The following WWOX variants were observed in gnomAD, a reference collection of about 807,000 sequenced individuals.
WWOX encodes WW domain containing oxidoreductase.
WWOX carries 69 observed loss-of-function variants against 46.2 expected under a neutral mutation model. The ratio of observed to expected loss-of-function variants is 1.49; its 90% CI spans 1.23 to 1.82. WWOX has a LOEUF of 1.82. Among genes scored for constraint, WWOX ranks in the 40% most tolerant of loss-of-function variants. The pLI is 0.00. For missense variants in WWOX, 919 were observed against 542.6 expected, an observed-to-expected ratio of 1.69 and a Z score of -6.89; for synonymous variants, 359 against 202.6, an observed-to-expected ratio of 1.77 and a Z score of -6.56.
At chr16:78,826,766 A>T (rs142666604) in intron 8 of WWOX, among the ~76,000 whole-genome samples, 6 of 152,274 alleles carry the variant, frequency 3.9e-5, no homozygotes, top group Non-Finnish European at 7.4e-5. Flanking sequence ...ACCCACAATA[A>T]GAGCACAGTG....
intron 8 of WWOX, chr16:78,551,644 G>T (rs1340920625): frequency 1.3e-5 from 2 of 151,676 alleles, no homozygotes; most frequent in African/African-American, 4.8e-5. Flanking sequence ...TGATGCCACT[G>T]CCCCCGCCCC....
At chr16:79,155,140 G>A (rs12932416) in intron 8 of WWOX, among the ~76,000 whole-genome samples, 1 of 152,236 alleles carries the variant, frequency 6.6e-6, no homozygotes, top group African/African-American at 2.4e-5. Context: ...CACTTTGGGA[G>A]GCCGAGGCAG....
chr16:78,459,642 A>G (rs1460266877), intron 8 of WWOX, among the ~76,000 whole-genome samples: 1 of 152,226 alleles, frequency 6.6e-6, no homozygotes, highest in East Asian at 1.9e-4. Context: ...TGCCATTATT[A>G]TAGATTGCTG....
chr16:78,970,000 A>G (rs1388709350), intron 8 of WWOX, among the ~76,000 whole-genome samples: 1 of 152,176 alleles, frequency 6.6e-6, no homozygotes, highest in African/African-American at 2.4e-5. Flanking sequence ...TGTATGGTAT[A>G]TGAATCATAT....
At chr16:79,196,933 T>A (rs928221405) in intron 8 of WWOX, among the ~76,000 whole-genome samples, 3 of 152,182 alleles carry the variant, frequency 2.0e-5, no homozygotes, top group Non-Finnish European at 4.4e-5. Context: ...TTCAATTCCT[T>A]GAACTTCAGT....
At chr16:79,189,738 T>C (rs1042411167) in intron 8 of WWOX, among the ~76,000 whole-genome samples, 8 of 151,820 alleles carry the variant, frequency 5.3e-5, no homozygotes, top group Admixed American at 1.3e-4. Flanking sequence ...CATCCCGCCG[T>C]GTTCATTTGC....
chr16:78,489,691 G>A lies in WWOX; in HGVS notation c.1056+56939G>A, dbSNP rs112893704. Among the ~76,000 whole-genome samples, 180 of 152,288 alleles carry A rather than the reference G, an allele frequency of 1.2e-3. 3 individuals are homozygous for A. Among genetic ancestry groups the A allele is most frequent in the African/African-American group, 2.5e-3 (105 of 41,562 alleles). On this transcript the variant is annotated intron_variant, in intron 8 of 8. Transcript: ENST00000566780. ...AAGAGGATGGAAATGGCTGTGGGGC[G>A]CCTGAGCTGGGCCCTGGCATGATGG...
chr16:78,429,843 A>G (rs559409538), intron 7 of WWOX, among the ~76,000 whole-genome samples: 2 of 152,240 alleles, frequency 1.3e-5, no homozygotes, highest in African/African-American at 2.4e-5. Context: ...GTGTTTCAAC[A>G]TGTAAATGCT....
At chr16:78,608,465 T>G (rs538504260) in intron 8 of WWOX, among the ~76,000 whole-genome samples, 65 of 152,344 alleles carry the variant, frequency 4.3e-4, no homozygotes, top group African/African-American at 1.4e-3. Flanking sequence ...CTTATAAAGC[T>G]GCGACTTGGC....
chr16:78,720,697 T>A (rs544593504), intron 8 of WWOX, among the ~76,000 whole-genome samples: 30 of 152,194 alleles, frequency 2.0e-4, no homozygotes, highest in African/African-American at 6.3e-4. Context: ...GTTTTATGAT[T>A]CTGCAAGCGT....
At chr16:79,062,371 G>A (rs1057306143) in intron 8 of WWOX, among the ~76,000 whole-genome samples, 21 of 152,234 alleles carry the variant, frequency 1.4e-4, no homozygotes, top group Middle Eastern at 3.4e-3. Context: ...CATAATAGTC[G>A]TGGAGGGACA....
intron 8 of WWOX, among the ~76,000 whole-genome samples, chr16:79,081,878 T>C (rs932775462): frequency 1.3e-5 from 2 of 152,114 alleles, no homozygotes; most frequent in African/African-American, 4.8e-5. Flanking sequence ...CCTTTTTCTA[T>C]CCTAGTTTCA....
At chr16:78,239,389 C>G (rs745481839) in intron 5 of WWOX, among the ~76,000 whole-genome samples, 58 of 152,260 alleles carry the variant, frequency 3.8e-4, no homozygotes, top group Middle Eastern at 3.4e-3. Context: ...TGCTGAGACC[C>G]TGATGGAGAA....
intron 4 of WWOX, among the ~76,000 whole-genome samples, chr16:78,115,642 T>C (rs2151675642): frequency 6.6e-6 from 1 of 152,328 alleles, no homozygotes; most frequent in African/African-American, 2.4e-5. Context: ...AATGAGTTCC[T>C]GTCTTCACCT....
At chr16:78,973,422 C>T (rs2046510826) in intron 8 of WWOX, among the ~76,000 whole-genome samples, 1 of 152,204 alleles carries the variant, frequency 6.6e-6, no homozygotes, top group Non-Finnish European at 1.5e-5. Flanking sequence ...AACAGAGCTA[C>T]TCAATAATTA....
In WWOX at chr16:79,086,485, G is replaced by C. The variant is rs547706854; in HGVS notation, c.1057-125123G>C. 2.6e-5 allele frequency among the ~76,000 whole-genome samples: 4 copies of C among 152,280 alleles called. No individual in the cohort carries two copies. In the South Asian group the frequency reaches 8.3e-4, roughly 32 times the overall value. ...ATAGATTAACTTATCAAAACTTGTG[G>C]TGGAAGCAAGACTTTGTCAGTACAG... On this transcript the variant is annotated intron_variant, in intron 8 of 8. Transcript: ENST00000566780.
chr16:78,173,327 C>T lies in WWOX; in HGVS notation c.516+9038C>T, dbSNP rs118033908. 2.2e-3 allele frequency among the ~76,000 whole-genome samples: 333 copies of T among 152,204 alleles called. 16 individuals carry two copies. The East Asian group carries it at 0.06, about 27-fold the overall frequency. ...TTTTTGAGATAGGGTATTGCTCTGTCACCCAGGCTGGTGTTCAGTGGCACA... is the reference window on the plus strand; with the variant it reads ...TTTTTGAGATAGGGTATTGCTCTGTTACCCAGGCTGGTGTTCAGTGGCACA... On this transcript the variant is annotated intron_variant, in intron 5 of 8. Transcript: ENST00000566780.
chr16:79,061,182 C>T (rs530140419), intron 8 of WWOX, among the ~76,000 whole-genome samples: 1 of 152,278 alleles, frequency 6.6e-6, no homozygotes, highest in African/African-American at 2.4e-5. Context: ...ATTTTGTGTG[C>T]CAACCCGAAA....
At chr16:78,287,452 A>T (rs74029858) in intron 5 of WWOX, among the ~76,000 whole-genome samples, 2,731 of 152,308 alleles carry the variant, frequency 0.018, 101 homozygotes, top group African/African-American at 0.063. Flanking sequence ...ATTTTGACCC[A>T]GTTGTAGTCT....
Sources: allele counts gnomAD v4.1 joint callset (sites outside exome capture counted in the v4.1 genomes callset), GRCh38; gene constraint gnomAD v4.1.1; transcripts MANE v1.5; gene names NCBI Gene and HGNC (gene_info 2026-07-23, HGNC 2026-07-21).